The following ZNF420 variants were observed in gnomAD, a reference collection of about 807,000 sequenced individuals.
ZNF420 encodes ATM and p53-associated KZNF protein.
In ZNF420, 31 loss-of-function variants were observed where a neutral mutation model predicts 44.7. The ratio of observed to expected loss-of-function variants is 0.69; its 90% confidence interval spans 0.52 to 0.94. ZNF420 has a LOEUF of 0.94. Ranked by LOEUF, ZNF420 falls within the 40% of genes least tolerant of loss-of-function variation. ZNF420 has a pLI of 0.00. For synonymous variants in ZNF420, 245 were observed against 267.4 expected (o/e 0.92, Z 0.82); for missense variants, 681 against 827.9 (o/e 0.82, Z 2.18).
chr19:37,127,518 T>G lies in ZNF420; in HGVS notation c.527T>G (p.Phe176Cys). ...GAATGTAAGCAATGCGGGAAGGCCTTTAGTCGTGATTCACAACTCAGTCTT... is the reference window on the plus strand; with the variant it reads ...GAATGTAAGCAATGCGGGAAGGCCTGTAGTCGTGATTCACAACTCAGTCTT... ...PYECKQCGKA[F>C]SRDSQLSLHQ... The change falls in exon 5 of 5, where the codon TTT (phenylalanine) becomes TGT (cysteine). Residue 176 changes from phenylalanine to cysteine, a missense_variant. Physicochemically the swap from Phe to Cys is radical, Grantham distance 205. This residue lies in a region of ZNF420 where 350 missense variants were observed against 382.5 expected (regional missense o/e 0.92). Transcript: ENST00000337995. 1.9e-6 allele frequency: 3 copies of G among 1,613,938 alleles called. No individual in the cohort carries two copies. Among genetic ancestry groups the G allele is most frequent in the Non-Finnish European group, 2.5e-6 (3 of 1,179,842 alleles).
intron 1 of ZNF420, among the ~76,000 whole-genome samples, chr19:37,008,673 T>C (rs2074546666): frequency 1.3e-5 from 2 of 152,214 alleles, no homozygotes; most frequent in African/African-American, 2.4e-5. Flanking sequence ...AGGATCCCTG[T>C]CACTGGAACA....
chr19:37,010,677 G>T (rs1447166610), intron 1 of ZNF420, among the ~76,000 whole-genome samples: 4 of 152,008 alleles, frequency 2.6e-5, no homozygotes, highest in Non-Finnish European at 5.9e-5. Context: ...CTGCGTCTCT[G>T]CCTGGGACAT....
At chr19:37,098,052 C>G (rs1051586472) in intron 4 of ZNF420, among the ~76,000 whole-genome samples, 1 of 152,042 alleles carries the variant, frequency 6.6e-6, no homozygotes, top group African/African-American at 2.4e-5. Flanking sequence ...CTCACTGCAG[C>G]CTCCACCTCC....
At chr19:37,081,873 T>C (rs1469350214) in intron 2 of ZNF420, among the ~76,000 whole-genome samples, 1 of 151,746 alleles carries the variant, frequency 6.6e-6, no homozygotes, top group Non-Finnish European at 1.5e-5. Flanking sequence ...TGCTCTGTTA[T>C]TAGGTATAGA....
At chr19:37,097,654 T>C (rs904637805) in intron 4 of ZNF420, among the ~76,000 whole-genome samples, 3 of 152,198 alleles carry the variant, frequency 2.0e-5, no homozygotes, top group Non-Finnish European at 4.4e-5. Flanking sequence ...AAAAATTTTT[T>C]TGCATTTCTT....
At position 37,128,255 on chromosome 19, in the gene ZNF420, A is replaced by G. The variant is rs1971470009; in HGVS notation, c.1264A>G (p.Lys422Glu). 6.2e-7 allele frequency: 1 copy of G among 1,613,940 alleles called. No homozygotes were observed. The highest frequency in any genetic ancestry group is 1.3e-5 in the African/African-American group (1 of 74,914). ...IHTGEKPYQCKECGKAFNRGS... is the reference protein window; with the variant it reads ...IHTGEKPYQCEECGKAFNRGS... ...CACTGGTGAGAAACCCTATCAATGTAAGGAATGTGGAAAAGCGTTTAATCG... is the reference window on the plus strand; with the variant it reads ...CACTGGTGAGAAACCCTATCAATGTGAGGAATGTGGAAAAGCGTTTAATCG... Residue 422 changes from lysine to glutamate, a missense_variant, in exon 5 of 5, where the codon AAG (lysine) becomes GAG (glutamate). Coordinates refer to ENST00000337995, the MANE Select transcript of ZNF420 (RefSeq NM_144689.5).
chr19:37,095,492 A>T (rs1390043094), intron 4 of ZNF420, among the ~76,000 whole-genome samples: 10 of 152,128 alleles, frequency 6.6e-5, no homozygotes, highest in Admixed American at 1.3e-4. Flanking sequence ...TGATGTAATT[A>T]TCTTTTATTT....
intron 4 of ZNF420, among the ~76,000 whole-genome samples, chr19:37,112,823 C>T (rs1217152814): frequency 1.3e-5 from 2 of 152,178 alleles, no homozygotes; most frequent in Non-Finnish European, 2.9e-5. Context: ...ATTTGAACTC[C>T]CTTTAGATTT....
At position 37,129,707 on chromosome 19, in the gene ZNF420, T is replaced by TA. The variant is rs34862836; in HGVS notation, c.*662dup. On this transcript the variant is annotated 3_prime_UTR_variant, in exon 5 of 5. Coordinates refer to ENST00000337995, the MANE Select transcript of ZNF420 (RefSeq NM_144689.5). ...TGCTATAAGAGGAAATTCATACTGTTAAAAAAAAAAAAACCCAGTGGATAT... is the reference window on the plus strand; with the variant it reads ...TGCTATAAGAGGAAATTCATACTGTTAAAAAAAAAAAAAACCCAGTGGATAT... 458 of 145,868 alleles carry TA rather than the reference T, an allele frequency of 3.1e-3. 1 individual carries two copies. The highest frequency in any genetic ancestry group is 0.013 in the East Asian group (66 of 4,948). The allele number at this position is 145,868 out of a possible 1,614,324, so 9.0% of individuals were successfully genotyped here. A position where few individuals can be genotyped will look rare whatever the true frequency, so the allele number is the denominator to read the frequency against.
intron 1 of ZNF420, among the ~76,000 whole-genome samples, chr19:37,020,196 G>T (rs868683475): frequency 7.3e-6 from 1 of 137,218 alleles, no homozygotes; most frequent in South Asian, 2.3e-4. Flanking sequence ...CAGCCTGGGC[G>T]ACAGAGTGAG....
intron 1 of ZNF420, among the ~76,000 whole-genome samples, chr19:37,050,772 A>G (rs1407574873): frequency 1.3e-5 from 2 of 152,150 alleles, no homozygotes; most frequent in Non-Finnish European, 2.9e-5. Flanking sequence ...GTGGTGAGAG[A>G]GGGCATCCCT....
intron 4 of ZNF420, among the ~76,000 whole-genome samples, chr19:37,105,973 G>A (rs1051042996): frequency 2.0e-5 from 3 of 152,182 alleles, no homozygotes; most frequent in African/African-American, 7.2e-5. Context: ...CATGTCATCT[G>A]CAAACAGGGA....
At chr19:37,107,867 G>C (rs1273658804) in intron 4 of ZNF420, among the ~76,000 whole-genome samples, 1 of 151,838 alleles carries the variant, frequency 6.6e-6, no homozygotes, top group East Asian at 1.9e-4. Flanking sequence ...TCAAAAATTT[G>C]TTCTTTTAAT....
intron 4 of ZNF420, among the ~76,000 whole-genome samples, chr19:37,093,852 T>G (rs1969292582): frequency 6.6e-6 from 1 of 152,112 alleles, no homozygotes; most frequent in Non-Finnish European, 1.5e-5. Flanking sequence ...AGTGGGGAGA[T>G]GAGAAGTGAC....
At chr19:37,050,220 A>G (rs898652741) in intron 1 of ZNF420, among the ~76,000 whole-genome samples, 4 of 152,122 alleles carry the variant, frequency 2.6e-5, no homozygotes, top group Non-Finnish European at 5.9e-5. Flanking sequence ...GTTCCATATG[A>G]ACTTTAAAGT....
At chr19:37,111,134 A>G (rs1426601652) in intron 4 of ZNF420, among the ~76,000 whole-genome samples, 1 of 152,256 alleles carries the variant, frequency 6.6e-6, no homozygotes, top group African/African-American at 2.4e-5. Context: ...ACTCCACAAG[A>G]TCAGTATTTT....
chr19:37,014,468 C>A (rs1315681560), intron 1 of ZNF420, among the ~76,000 whole-genome samples: 1 of 152,172 alleles, frequency 6.6e-6, no homozygotes, highest in Non-Finnish European at 1.5e-5. Context: ...GCCCACCTCA[C>A]GGTCTGAAGC....
intron 4 of ZNF420, among the ~76,000 whole-genome samples, chr19:37,106,158 T>TAA (rs1970070163): frequency 6.6e-6 from 1 of 152,234 alleles, no homozygotes; most frequent in Non-Finnish European, 1.5e-5. Context: ...GGGTTTGTCA[T>TAA]AAATAGCTCT....
chr19:37,017,436 A>G (rs1230453406), intron 1 of ZNF420, among the ~76,000 whole-genome samples: 1 of 152,252 alleles, frequency 6.6e-6, no homozygotes, highest in East Asian at 1.9e-4. Context: ...AGTGGCATAC[A>G]TACAATCCTT....
Sources: allele counts gnomAD v4.1 joint callset (sites outside exome capture counted in the v4.1 genomes callset), GRCh38; gene constraint gnomAD v4.1.1; regional missense constraint gnomAD v4.1.1; transcripts MANE v1.5; gene names NCBI Gene and HGNC (gene_info 2026-07-23, HGNC 2026-07-21).